The following KIRREL3 variants were observed in gnomAD, a reference collection of about 807,000 sequenced individuals.
KIRREL3 encodes kirre like nephrin family adhesion molecule 3, also known as kin of IRRE-like protein 3.
In KIRREL3, 36 loss-of-function variants were observed where a neutral mutation model predicts 89.7. The ratio of observed to expected loss-of-function variants is 0.40; its 90% CI spans 0.31 to 0.53. The LOEUF (loss-of-function observed/expected upper bound fraction) is 0.53. KIRREL3 is among the 20% of genes least tolerant of loss of function. KIRREL3 has a pLI of 0.49. For synonymous variants in KIRREL3, 445 were observed against 441.4 expected (o/e 1.01, Z -0.10); for missense variants, 864 against 1,056.6 (o/e 0.82, Z 2.53).
chr11:126,959,430 ATGTTGTTGT>A (rs762348870), intron 1 of KIRREL3, among the ~76,000 whole-genome samples: 2 of 151,940 alleles, frequency 1.3e-5, no homozygotes, highest in Admixed American at 6.6e-5. Context: ...ATACCCCTAA[ATGTTGTTGT>A]TGTTGTTGTT....
chr11:126,863,496 T>C (rs1269063357), intron 1 of KIRREL3, among the ~76,000 whole-genome samples: 2 of 6,506 alleles, frequency 3.1e-4, no homozygotes, highest in African/African-American at 7.2e-4. Context: ...AGTGCGTGTG[T>C]GAGTGTGAGT....
At position 126,769,059 on chromosome 11, in the gene KIRREL3, T is replaced by C. The variant is rs1949937725; in HGVS notation, c.56-206147A>G. The stretch of plus-strand genomic sequence containing the variant: ...CATAGGCTGTCCCCTGGGGTCTCCT[T>C]TCCGCATCTTGTTTACCTGTCAGAC... On this transcript the variant is annotated intron_variant, in intron 1 of 16. Transcript: ENST00000525144. This position sits in a 1 kb window ranked among gnomAD's most constrained non-coding sequence, Gnocchi z 4.3. 1.3e-5 allele frequency among the ~76,000 whole-genome samples: 2 copies of C among 152,186 alleles called. No homozygotes were observed. The highest frequency in any genetic ancestry group is 3.8e-4 in the East Asian group (2 of 5,196).
rs1949357117 is a variant in KIRREL3, at chr11:126,752,180, G to A, written c.56-189268C>T. 6.6e-6 allele frequency among the ~76,000 whole-genome samples: 1 copy of A among 151,090 alleles called. No individual in the cohort carries two copies. The highest frequency in any genetic ancestry group is 1.5e-5 in the Non-Finnish European group (1 of 67,726). ...ACGGGGTAAGCTAATGTATTGAAAG[G>A]ATTTCCCAGGCTCAGCGTGGGTTGG... is the stretch of plus-strand genomic sequence containing the variant. On this transcript the variant is annotated intron_variant, in intron 1 of 16. Coordinates refer to ENST00000525144, the MANE Select transcript of KIRREL3 (RefSeq NM_032531.4). This position sits in a 1 kb window ranked among gnomAD's most constrained non-coding sequence, Gnocchi z 4.8.
In KIRREL3 at chr11:126,802,591, G is replaced by A. The variant is rs1951075031; in HGVS notation, c.55+197864C>T. Among the ~76,000 whole-genome samples the A allele has an allele frequency of 6.6e-6, 1 of 152,154 alleles. No individual in the cohort carries two copies. Among genetic ancestry groups the A allele is most frequent in the African/African-American group, 2.4e-5 (1 of 41,444 alleles). On this transcript the variant is annotated intron_variant, in intron 1 of 16. Coordinates refer to ENST00000525144, the MANE Select transcript of KIRREL3 (RefSeq NM_032531.4). This position sits in a 1 kb window ranked among gnomAD's most constrained non-coding sequence, Gnocchi z 5.2. ...TCAGTGTGAGTGAGTGTGGGCATGT[G>A]TGTGTGTGAGTGACCCTGCGATGGG...
rs1455826723 is a variant in KIRREL3, at chr11:126,490,711, G to A, written c.434-17245C>T. Among the ~76,000 whole-genome samples, 1 of 152,198 alleles carries A rather than the reference G, an allele frequency of 6.6e-6. No individual in the cohort carries two copies. Among genetic ancestry groups the A allele is most frequent in the African/African-American group, 2.4e-5 (1 of 41,448 alleles). ...GGCATTTGTGACGTCCCCAGAACAG[G>A]GCTCAGTGAATGCTCATTCCTTTTC... On this transcript the variant is annotated intron_variant, in intron 4 of 16. Transcript: ENST00000525144. This position sits in a 1 kb window ranked among gnomAD's most constrained non-coding sequence, Gnocchi z 4.2.
rs1199715649 is a variant in KIRREL3 at position 126,896,510 on chromosome 11, C to A, written c.55+103945G>T. 6.6e-6 allele frequency among the ~76,000 whole-genome samples: 1 copy of A among 152,194 alleles called. No individual in the cohort carries two copies. Among genetic ancestry groups the A allele is most frequent in the Non-Finnish European group, 1.5e-5 (1 of 68,040 alleles). ...CAATCTTTACTCTGAATGAGAAAAA[C>A]ATCAAAATCTGAGAAGCAGGAGAGC... On this transcript the variant is annotated intron_variant, in intron 1 of 16. Coordinates refer to ENST00000525144, the MANE Select transcript of KIRREL3 (RefSeq NM_032531.4). This position sits in a 1 kb window ranked among gnomAD's most constrained non-coding sequence, Gnocchi z 4.1.
intron 7 of KIRREL3, among the ~76,000 whole-genome samples, chr11:126,450,976 T>TGAGC (rs2134212250): frequency 6.7e-6 from 1 of 149,704 alleles, no homozygotes; most frequent in South Asian, 2.1e-4. Flanking sequence ...CATGCATGGG[T>TGAGC]GTGTGCATGT....
At chr11:126,536,565 G>A (rs992928706) in intron 2 of KIRREL3, among the ~76,000 whole-genome samples, 2 of 151,076 alleles carry the variant, frequency 1.3e-5, no homozygotes, top group Non-Finnish European at 2.9e-5. Flanking sequence ...GGGAGATAAA[G>A]CTTTGATGCA....
intron 1 of KIRREL3, among the ~76,000 whole-genome samples, chr11:126,634,609 GT>G (rs1411063980): frequency 2.0e-5 from 3 of 152,252 alleles, no homozygotes; most frequent in Non-Finnish European, 4.4e-5. Flanking sequence ...GGTCCTCAGG[GT>G]TTAAGGTTTG....
chr11:126,600,464 C>T (rs1344959630), intron 1 of KIRREL3, among the ~76,000 whole-genome samples: 1 of 152,212 alleles, frequency 6.6e-6, no homozygotes, highest in East Asian at 1.9e-4. Flanking sequence ...TCCTTATTAG[C>T]TAAGAAGAAA....
chr11:126,598,697 T>G (rs1252072273), intron 1 of KIRREL3, among the ~76,000 whole-genome samples: 1 of 152,240 alleles, frequency 6.6e-6, no homozygotes, highest in African/African-American at 2.4e-5. Flanking sequence ...TTTGGATCTC[T>G]GCTACACCCA....
rs80088465 is a variant in KIRREL3, at chr11:126,791,378, C to T, written c.55+209077G>A. 3.4e-3 allele frequency among the ~76,000 whole-genome samples: 513 copies of T among 152,318 alleles called. 1 individual carries two copies. Among genetic ancestry groups the T allele is most frequent in the Non-Finnish European group, 5.7e-3 (388 of 68,032 alleles). On this transcript the variant is annotated intron_variant, in intron 1 of 16. Coordinates refer to ENST00000525144, the MANE Select transcript of KIRREL3 (RefSeq NM_032531.4). This position sits in a 1 kb window ranked among gnomAD's most constrained non-coding sequence, Gnocchi z 4.8. ...CCTGGGCTGCATGCAGCCAGCTACC[C>T]GCTTCCCAGGCTTCTGCTCACGGGA...
chr11:126,765,261 G>A (rs189556971), intron 1 of KIRREL3, among the ~76,000 whole-genome samples: 10 of 152,262 alleles, frequency 6.6e-5, no homozygotes, highest in Admixed American at 6.5e-4. Context: ...CCATGACAAT[G>A]AGCAACCTTC....
At chr11:126,460,148 G>A (rs1382682564) in intron 6 of KIRREL3, among the ~76,000 whole-genome samples, 2 of 152,144 alleles carry the variant, frequency 1.3e-5, no homozygotes, top group South Asian at 2.1e-4. Context: ...GGTGGAGAAC[G>A]TGTGCTTTGC....
intron 1 of KIRREL3, among the ~76,000 whole-genome samples, chr11:126,663,073 C>T (rs1311470356): frequency 6.6e-6 from 1 of 151,740 alleles, no homozygotes; most frequent in African/African-American, 2.4e-5. Context: ...AGGGAAGAAC[C>T]AGCAAGAAGA....
In KIRREL3 at chr11:126,629,249, G is replaced by A. The variant is rs578226935; in HGVS notation, c.56-66337C>T. On this transcript the variant is annotated intron_variant, in intron 1 of 16. Transcript: ENST00000525144. ...TTTGACAGGGACTGTGCACATGTGG[G>A]TAGAGGCGGACCAGGACTGTGCTGC... Among the ~76,000 whole-genome samples the A allele has an allele frequency of 1.1e-3, 172 of 152,292 alleles. 1 individual carries two copies. The highest frequency in any genetic ancestry group is 2.2e-3 in the Admixed American group (34 of 15,304).
At chr11:126,841,880 G>T (rs574605949) in intron 1 of KIRREL3, among the ~76,000 whole-genome samples, 17 of 152,282 alleles carry the variant, frequency 1.1e-4, no homozygotes, top group Admixed American at 1.0e-3. Flanking sequence ...TCCAGGAAAA[G>T]ACAAAGGCTT....
At chr11:126,967,807 G>A (rs1225984132) in intron 1 of KIRREL3, among the ~76,000 whole-genome samples, 9 of 152,028 alleles carry the variant, frequency 5.9e-5, no homozygotes, top group Non-Finnish European at 7.4e-5. Flanking sequence ...TTTGCTTGTC[G>A]CAGCTGGGGA....
rs200974559 is a variant in KIRREL3, at chr11:126,871,203, T to C, written c.55+129252A>G. On this transcript the variant is annotated intron_variant, in intron 1 of 16. Transcript: ENST00000525144. ...CTGACACCTGAGTTTGAGTTGTGTG[T>C]CCTTTGGAAGGAAGAATAAGCAAAA... Among the ~76,000 whole-genome samples the C allele has an allele frequency of 2.6e-5, 4 of 152,246 alleles. No individual in the cohort carries two copies. The East Asian group carries it at 7.7e-4, about 29-fold the overall frequency.
Sources: gnomAD v4.1 joint callset for allele counts (sites outside exome capture counted in the v4.1 genomes callset) on GRCh38, gnomAD v4.1.1 for gene constraint, Gnocchi (gnomAD v3.1) non-coding constraint, MANE v1.5 for transcripts, NCBI Gene and HGNC (gene_info 2026-07-23, HGNC 2026-07-21) for gene names.